Variants in FRMD6 observed in about 807,000 individuals in gnomAD.
FRMD6 encodes FERM domain containing 6, also known as FERM domain-containing protein 6.
In FRMD6, 37 loss-of-function variants were observed where a neutral mutation model predicts 73.2. The observed-to-expected ratio is 0.51, with a 90% confidence interval of 0.39 to 0.66. FRMD6 has a LOEUF of 0.66. Among genes scored for constraint, FRMD6 ranks in the 30% least tolerant of loss-of-function variants. The pLI is 0.00. For synonymous variants in FRMD6, 273 were observed against 282.2 expected, an observed-to-expected ratio of 0.97 and a Z score of 0.33; for missense variants, 714 against 780.5, an observed-to-expected ratio of 0.91 and a Z score of 1.02.
chr14:51,501,852 G>C (rs1052854713), intron 1 of FRMD6, among the ~76,000 whole-genome samples: 1 of 152,116 alleles, frequency 6.6e-6, no homozygotes, highest in African/African-American at 2.4e-5. Flanking sequence ...CTGTGTAAAA[G>C]TGTTCCTTTT....
upstream of FRMD6, among the ~76,000 whole-genome samples, chr14:51,484,398 T>G (rs1335648800): frequency 6.6e-6 from 1 of 152,130 alleles, no homozygotes; most frequent in Non-Finnish European, 1.5e-5. Flanking sequence ...ACCACCAGAA[T>G]AGCCACTCAA....
chr14:51,655,147 T>C (rs1892728455), intron 1 of FRMD6, among the ~76,000 whole-genome samples: 1 of 152,118 alleles, frequency 6.6e-6, no homozygotes, highest in Non-Finnish European at 1.5e-5. Flanking sequence ...CCTTGTTTGA[T>C]GATCCCCTAC....
At chr14:51,397,719 A>G in the FRMD6 span, among the ~76,000 whole-genome samples, 1 of 152,186 alleles carries the variant, frequency 6.6e-6, no homozygotes, top group East Asian at 1.9e-4. Context: ...ATCGCGCCAC[A>G]TGTAGAAAAT....
intron 2 of FRMD6, among the ~76,000 whole-genome samples, chr14:51,584,709 T>A (rs1888923101): frequency 6.6e-6 from 1 of 152,190 alleles, no homozygotes; most frequent in South Asian, 2.1e-4. Context: ...TAATATCCAT[T>A]AGGCTCCATC....
At chr14:51,724,926 C>T (rs966510848) in intron 12 of FRMD6, among the ~76,000 whole-genome samples, 1 of 152,000 alleles carries the variant, frequency 6.6e-6, no homozygotes, top group Non-Finnish European at 1.5e-5. Context: ...AAATGTCAGC[C>T]CTGGATTTCT....
chr14:51,504,292 G>A (rs1883813892), intron 1 of FRMD6, among the ~76,000 whole-genome samples: 1 of 152,238 alleles, frequency 6.6e-6, no homozygotes, highest in Non-Finnish European at 1.5e-5. Context: ...ATGGCAGCCA[G>A]TTCCTTCCTC....
chr14:51,580,452 A>G (rs1057340692), intron 2 of FRMD6, among the ~76,000 whole-genome samples: 1 of 152,328 alleles, frequency 6.6e-6, no homozygotes, highest in Non-Finnish European at 1.5e-5. Context: ...ATAGGGTAGG[A>G]GCTCTTATTA....
the FRMD6 span, among the ~76,000 whole-genome samples, chr14:51,430,440 C>G: frequency 6.6e-6 from 1 of 151,852 alleles, no homozygotes; most frequent in Non-Finnish European, 1.5e-5. Context: ...AACAATACAC[C>G]TTACAGGATT....
In FRMD6 at chr14:51,642,173, A is replaced by G. The variant is rs542415840; in HGVS notation, c.-146-47518A>G. Reference sequence around the variant, plus strand: ...AGGGTTGGTTTTCAGAACCTTTCTGAGTCTGCTCAGAAGGGAACATAGTGA... The same window carrying G: ...AGGGTTGGTTTTCAGAACCTTTCTGGGTCTGCTCAGAAGGGAACATAGTGA... On this transcript the variant is annotated intron_variant, in intron 2 of 14. Coordinates refer to the FRMD6 transcript ENST00000356218. Among the ~76,000 whole-genome samples, 17 of 152,318 alleles carry G rather than the reference A, an allele frequency of 1.1e-4. No individual in the cohort carries two copies. In the South Asian group the frequency reaches 3.5e-3, roughly 32 times the overall value.
intron 1 of FRMD6, chr14:51,546,501 T>C (rs760844519): frequency 2.1e-5 from 3 of 144,376 alleles, no homozygotes; most frequent in Non-Finnish European, 3.0e-5. Flanking sequence ...GAATATCTAA[T>C]GGGGTAAAGG....
At chr14:51,595,181 G>A (rs1203496610) in intron 2 of FRMD6, among the ~76,000 whole-genome samples, 6 of 152,122 alleles carry the variant, frequency 3.9e-5, no homozygotes, top group African/African-American at 1.4e-4. Context: ...ATTTGAGAGC[G>A]ACCCGTCTTG....
intron 1 of FRMD6, among the ~76,000 whole-genome samples, chr14:51,501,712 A>G (rs952868832): frequency 3.9e-5 from 6 of 152,138 alleles, no homozygotes; most frequent in African/African-American, 1.4e-4. Flanking sequence ...AAAACAATAT[A>G]TATATATATC....
At chr14:51,459,422 G>A in the FRMD6 span, among the ~76,000 whole-genome samples, 1 of 152,110 alleles carries the variant, frequency 6.6e-6, no homozygotes, top group Admixed American at 6.5e-5. Context: ...ACCCTCTTTA[G>A]GTTAAGCACC....
chr14:51,599,452 T>C (rs1452160680), intron 2 of FRMD6, among the ~76,000 whole-genome samples: 1 of 152,042 alleles, frequency 6.6e-6, no homozygotes, highest in Admixed American at 6.6e-5. Context: ...TATGACTAAG[T>C]TCTCAAAAGC....
chr14:51,592,285 A>G (rs897513535), intron 2 of FRMD6, among the ~76,000 whole-genome samples: 2 of 152,174 alleles, frequency 1.3e-5, no homozygotes, highest in Admixed American at 1.3e-4. Flanking sequence ...CCTTTGATCA[A>G]AATATTGTTA....
At chr14:51,468,017 G>A in the FRMD6 span, among the ~76,000 whole-genome samples, 1 of 152,138 alleles carries the variant, frequency 6.6e-6, no homozygotes, top group Non-Finnish European at 1.5e-5. Context: ...CACTGAGTGA[G>A]CGAGACTCAG....
intron 1 of FRMD6, among the ~76,000 whole-genome samples, chr14:51,495,321 A>G (rs948184440): frequency 2.6e-5 from 4 of 152,258 alleles, no homozygotes; most frequent in African/African-American, 9.6e-5. Flanking sequence ...CTCTAAGAAT[A>G]TTAAGGCATT....
chr14:51,436,508 G>C, the FRMD6 span: 7 of 645,792 alleles, frequency 1.1e-5, no homozygotes, highest in Non-Finnish European at 1.9e-5. Flanking sequence ...AATTTCATCT[G>C]AATGAGAGAG....
chr14:51,603,265 T>C (rs1890112813), intron 2 of FRMD6, among the ~76,000 whole-genome samples: 1 of 152,192 alleles, frequency 6.6e-6, no homozygotes, highest in Non-Finnish European at 1.5e-5. Flanking sequence ...ACATAGTTTA[T>C]GATACTTTGT....
Sources: gnomAD v4.1 joint callset for allele counts (sites outside exome capture counted in the v4.1 genomes callset) on GRCh38, gnomAD v4.1.1 for gene constraint, MANE v1.5 for transcripts, NCBI Gene and HGNC (gene_info 2026-07-23, HGNC 2026-07-21) for gene names.